CFDP1: variants seen among roughly 807,000 people sequenced by gnomAD.
CFDP1 encodes heterochromatin-stabilizing protein CFDP1.
CFDP1 carries 31 observed loss-of-function variants against 40.1 expected under a neutral mutation model. The ratio of observed to expected loss-of-function variants is 0.77; its 90% CI spans 0.58 to 1.04. The LOEUF (loss-of-function observed/expected upper bound fraction) is 1.04, where lower values mean the gene tolerates loss of function less well. CFDP1 is among the 50% of genes least tolerant of loss of function. CFDP1 has a pLI of 0.00. For missense variants in CFDP1, 423 were observed against 343.4 expected, an observed-to-expected ratio of 1.23 and a Z score of -1.83; for synonymous variants, 167 against 120.0, an observed-to-expected ratio of 1.39 and a Z score of -2.56.
intron 5 of CFDP1, among the ~76,000 whole-genome samples, chr16:75,371,774 G>A (rs1176054535): frequency 6.6e-5 from 10 of 152,158 alleles, no homozygotes; most frequent in Non-Finnish European, 1.2e-4. Context: ...CATTTAGTAG[G>A]AAGAGGATGA....
chr16:75,297,157 T>TGTGTGTGTGTGA, intron 6 of CFDP1, among the ~76,000 whole-genome samples: 1 of 133,368 alleles, frequency 7.5e-6, no homozygotes, highest in African/African-American at 2.8e-5. Flanking sequence ...TGTGTGTGTG[T>TGTGTGTGTGTGA]GTGTGTGTCT....
chr16:75,324,245 T>G (rs1440924023), intron 5 of CFDP1, among the ~76,000 whole-genome samples: 1 of 150,928 alleles, frequency 6.6e-6, no homozygotes, highest in African/African-American at 2.4e-5. Context: ...TGTCTGAGAG[T>G]TGAAGGATGA....
At chr16:75,432,682 C>A (rs1247880499) in intron 1 of CFDP1, among the ~76,000 whole-genome samples, 1 of 152,172 alleles carries the variant, frequency 6.6e-6, no homozygotes, top group African/African-American at 2.4e-5. Context: ...ATACTTTCAA[C>A]GAGACGGTTT....
intron 5 of CFDP1, among the ~76,000 whole-genome samples, chr16:75,358,215 A>G (rs2078658753): frequency 6.6e-6 from 1 of 152,220 alleles, no homozygotes; most frequent in Admixed American, 6.5e-5. Context: ...AAGTAAATAC[A>G]AGCTGCTGTT....
rs1309440117 is a variant in CFDP1 at position 75,395,097 on chromosome 16, C to T, written c.643G>A (p.Gly215Arg). Residue 215 changes from glycine to arginine, a missense_variant, in exon 5 of 7, where the codon GGG (glycine) becomes AGG (arginine). Transcript: ENST00000283882. ...VPSALPSLPA[G>R]SGLKRSSGMS... is the part of the protein sequence containing the mutation. ...TGAGACTCAAATACTCACCCTGACCCGGCAGGGAGTGATGGCAGAGCTGAA... is the reference window on the plus strand; with the variant it reads ...TGAGACTCAAATACTCACCCTGACCTGGCAGGGAGTGATGGCAGAGCTGAA... 12 of 1,613,650 alleles carry T rather than the reference C, an allele frequency of 7.4e-6. No homozygotes were observed. Among genetic ancestry groups the T allele is most frequent in the East Asian group, 4.5e-5 (2 of 44,854 alleles).
chr16:75,339,557 T>C (rs2078512509), intron 5 of CFDP1, among the ~76,000 whole-genome samples: 1 of 152,024 alleles, frequency 6.6e-6, no homozygotes, highest in African/African-American at 2.4e-5. Context: ...AATGCTGCAT[T>C]ACTTCACCAC....
At chr16:75,340,479 A>G (rs1336014870) in intron 5 of CFDP1, among the ~76,000 whole-genome samples, 1 of 152,220 alleles carries the variant, frequency 6.6e-6, no homozygotes, top group African/African-American at 2.4e-5. Flanking sequence ...ATATTTACAT[A>G]AACTCAAACC....
chr16:75,319,542 T>A (rs2151508947), intron 5 of CFDP1, among the ~76,000 whole-genome samples: 1 of 152,232 alleles, frequency 6.6e-6, no homozygotes, highest in Middle Eastern at 3.4e-3. Flanking sequence ...GGGTCCTGAC[T>A]CCCAAATCTA....
intron 6 of CFDP1, among the ~76,000 whole-genome samples, chr16:75,294,440 C>G (rs976828826): frequency 1.3e-5 from 2 of 152,094 alleles, no homozygotes; most frequent in Non-Finnish European, 2.9e-5. Flanking sequence ...TGCTGTTTTT[C>G]TTGGCTTTAG....
intron 1 of CFDP1, among the ~76,000 whole-genome samples, chr16:75,430,489 G>C (rs1391207492): frequency 6.6e-6 from 1 of 151,022 alleles, no homozygotes; most frequent in Non-Finnish European, 1.5e-5. Context: ...TTTTTAAATG[G>C]AGTCTTGCTC....
At chr16:75,415,776 T>C (rs1487345480) in intron 1 of CFDP1, among the ~76,000 whole-genome samples, 1 of 152,228 alleles carries the variant, frequency 6.6e-6, no homozygotes, top group Non-Finnish European at 1.5e-5. Flanking sequence ...TTCATTCTAC[T>C]GCTGATGCAC....
chr16:75,307,214 T>G (rs2078264853), intron 5 of CFDP1, among the ~76,000 whole-genome samples: 2 of 151,754 alleles, frequency 1.3e-5, no homozygotes, highest in South Asian at 4.2e-4. Context: ...CTTTTTATTT[T>G]TATTTATTTT....
At chr16:75,343,803 G>A (rs2078543145) in intron 5 of CFDP1, among the ~76,000 whole-genome samples, 1 of 152,170 alleles carries the variant, frequency 6.6e-6, no homozygotes, top group South Asian at 2.1e-4. Context: ...GCGCATGAAA[G>A]GCTGATTTCC....
At chr16:75,398,135 A>C (rs905984075) in intron 4 of CFDP1, among the ~76,000 whole-genome samples, 2 of 152,258 alleles carry the variant, frequency 1.3e-5, no homozygotes, top group Non-Finnish European at 1.5e-5. Flanking sequence ...GGCAAAAGGC[A>C]ACAAGTAAAT....
At chr16:75,410,735 C>T (rs1419368873) in intron 4 of CFDP1, among the ~76,000 whole-genome samples, 5 of 151,434 alleles carry the variant, frequency 3.3e-5, no homozygotes, top group South Asian at 2.1e-4. Flanking sequence ...GGTGAAACCC[C>T]GTCTCTACTA....
intron 4 of CFDP1, among the ~76,000 whole-genome samples, chr16:75,396,906 TTTTG>T (rs757874287): frequency 3.9e-5 from 6 of 152,010 alleles, no homozygotes; most frequent in South Asian, 2.1e-4. Flanking sequence ...TTTTCTTGTT[TTTTG>T]TTTGTTTGTT....
chr16:75,408,115 G>C (rs1328237914), intron 4 of CFDP1, among the ~76,000 whole-genome samples: 1 of 140,790 alleles, frequency 7.1e-6, no homozygotes, highest in Admixed American at 7.0e-5. Context: ...AAAAAGGAAG[G>C]AAGGAAGGAA....
intron 5 of CFDP1, among the ~76,000 whole-genome samples, chr16:75,315,884 G>A (rs1192055799): frequency 5.3e-5 from 8 of 152,100 alleles, no homozygotes; most frequent in Non-Finnish European, 7.4e-5. Context: ...AAATGGCCTC[G>A]TTAGTTGCTC....
chr16:75,375,452 C>G (rs1481309031), intron 5 of CFDP1, among the ~76,000 whole-genome samples: 4 of 152,050 alleles, frequency 2.6e-5, no homozygotes, highest in Admixed American at 2.6e-4. Context: ...CAGAGCAATG[C>G]AAACTAAAAT....
Sources: gnomAD v4.1 joint callset for allele counts (sites outside exome capture counted in the v4.1 genomes callset) on GRCh38, gnomAD v4.1.1 for gene constraint, MANE v1.5 for transcripts, NCBI Gene and HGNC (gene_info 2026-07-23, HGNC 2026-07-21) for gene names.